The following ANK1 variants were observed in gnomAD, a reference collection of about 807,000 sequenced individuals.
ANK1 encodes the protein ankyrin-1.
Under a neutral mutation model 210.4 loss-of-function variants are expected in ANK1, and 51 were observed. The observed-to-expected ratio is 0.24, with a 90% CI of 0.19 to 0.31. The LOEUF is 0.31. ANK1 is among the 10% of genes least tolerant of loss of function. The pLI is 1.00. For synonymous variants in ANK1, 967 were observed against 1,025.9 expected, an observed-to-expected ratio of 0.94 and a Z score of 1.10; for missense variants, 2,051 against 2,504.4, an observed-to-expected ratio of 0.82 and a Z score of 3.86.
Position 41,655,775 on chromosome 8 carries a change from G to A in ANK1, c.*37-22C>T, listed in dbSNP as rs370510994. ...GATCCTGGGAGACACAAAGAGAGAAGGAGTCACTTAGAATGCAAAAGTGCA... is the reference window on the plus strand; with the variant it reads ...GATCCTGGGAGACACAAAGAGAGAAAGAGTCACTTAGAATGCAAAAGTGCA... On this transcript the variant is annotated intron_variant, in intron 42 of 42. Transcript: ENST00000289734. The A allele has an allele frequency of 7.0e-4, 1,124 of 1,613,606 alleles. 1 individual carries two copies. The highest frequency in any genetic ancestry group is 9.2e-4 in the Non-Finnish European group (1,084 of 1,179,678).
At chr8:41,661,294 C>G in intron 42 of ANK1, 136 bp downstream of exon 42, 1 of 1,340,806 alleles carries the variant, frequency 7.5e-7, no homozygotes, top group South Asian at 1.3e-5. Context: ...AAGTGAGAAT[C>G]TCTGCCTCGA....
At chr8:41,891,669 A>T (rs993642236) in intron 1 of ANK1, among the ~76,000 whole-genome samples, 2 of 152,238 alleles carry the variant, frequency 1.3e-5, no homozygotes, top group Non-Finnish European at 1.5e-5. Context: ...GAGGAGCTGA[A>T]CTGAAAAAAT....
intron 4 of ANK1, 95 bp from the exon 5 acceptor site, chr8:41,727,443 C>T (rs983526000): frequency 2.3e-6 from 2 of 885,138 alleles, no homozygotes; most frequent in African/African-American, 3.3e-5. Flanking sequence ...ACAGCGCTCT[C>T]TTCATTCCAT....
chr8:41,844,125 G>A (rs1231855476), intron 1 of ANK1, among the ~76,000 whole-genome samples: 3 of 152,144 alleles, frequency 2.0e-5, no homozygotes, highest in African/African-American at 7.2e-5. Context: ...CTCCCACCTC[G>A]GCTTCCCAAA....
intron 1 of ANK1, among the ~76,000 whole-genome samples, chr8:41,817,824 G>T (rs1044146909): frequency 1.3e-5 from 2 of 152,212 alleles, no homozygotes; most frequent in Admixed American, 6.5e-5. Flanking sequence ...AACCATGAAT[G>T]CATGAGGCAT....
At position 41,694,547 on chromosome 8, in the gene ANK1, G is replaced by T. The variant is rs533780271; in HGVS notation, c.3327+45C>A. The stretch of plus-strand genomic sequence containing the variant: ...AGAGGGTGGCCTTCCCGGAGGCCTG[G>T]AGTTCAGTCCACCCCCAGGACCTGG... On this transcript the variant is annotated intron_variant, in intron 28 of 42. Coordinates refer to ENST00000289734, the MANE Select transcript of ANK1 (RefSeq NM_000037.4). The surrounding 1 kb of genome is among the most constrained non-coding windows in gnomAD (Gnocchi z 5.7). 2.0e-5 allele frequency: 32 copies of T among 1,584,076 alleles called. No homozygotes were observed. In the South Asian group the frequency reaches 3.2e-4, roughly 16 times the overall value.
chr8:41,656,721 G>A lies in ANK1; in HGVS notation c.*37-968C>T, dbSNP rs148553777. 2.2e-3 allele frequency among the ~76,000 whole-genome samples: 334 copies of A among 152,318 alleles called. 1 individual carries two copies. Among genetic ancestry groups the A allele is most frequent in the African/African-American group, 7.6e-3 (315 of 41,556 alleles). On this transcript the variant is annotated intron_variant, in intron 42 of 42. Coordinates refer to ENST00000289734, the MANE Select transcript of ANK1 (RefSeq NM_000037.4). ...GACACAGGGAGGCAGGAGCTCATTCGGAGGTGGAGCCATCCCCAGACATAG... is the reference window on the plus strand; with the variant it reads ...GACACAGGGAGGCAGGAGCTCATTCAGAGGTGGAGCCATCCCCAGACATAG...
intron 1 of ANK1, among the ~76,000 whole-genome samples, chr8:41,818,246 G>A (rs1036873480): frequency 6.6e-6 from 1 of 152,222 alleles, no homozygotes; most frequent in South Asian, 2.1e-4. Context: ...AGAAAATGGA[G>A]ATTTGGAGGA....
chr8:41,797,858 G>C (rs1316987976), upstream of ANK1, among the ~76,000 whole-genome samples: 1 of 151,998 alleles, frequency 6.6e-6, no homozygotes, highest in Non-Finnish European at 1.5e-5. This position sits in a 1 kb window ranked among gnomAD's most constrained non-coding sequence, Gnocchi z 4.0. Context: ...GCTGAGTTCA[G>C]AGCCCAGAGT....
intron 1 of ANK1, among the ~76,000 whole-genome samples, chr8:41,841,619 C>T (rs1808918464): frequency 6.6e-6 from 1 of 152,118 alleles, no homozygotes; most frequent in Non-Finnish European, 1.5e-5. Flanking sequence ...GTATCTATTA[C>T]CATGATGATA....
In ANK1 at chr8:41,672,371, C is replaced by T. The variant is rs767545027; in HGVS notation, c.5079G>A (p.Thr1693=). The T allele has an allele frequency of 9.9e-6, 16 of 1,614,090 alleles. No homozygotes were observed. Among genetic ancestry groups the T allele is most frequent in the South Asian group, 2.2e-5 (2 of 91,086 alleles). Residue 1693 remains threonine (T), a synonymous_variant, in exon 38 of 43, where the codon ACG becomes ACA. Transcript: ENST00000289734. The part of the protein sequence containing the change: ...ITHSPTVSQV[T]ERSQDRLQDW... ...GCTCTTACCTGTCCTGACTCCTCTC[C>T]GTCACCTGACTCACGGTGGGGGAAT... is the stretch of plus-strand genomic sequence containing the variant.
intron 1 of ANK1, among the ~76,000 whole-genome samples, chr8:41,812,828 C>CA (rs1802698747): frequency 6.6e-6 from 1 of 152,124 alleles, no homozygotes. Flanking sequence ...GCACAGCTCA[C>CA]AATGGGGTTA....
chr8:41,701,611 A>G lies in ANK1; in HGVS notation c.2400T>C (p.Asp800=). The G allele has an allele frequency of 2.5e-6, 4 of 1,614,140 alleles. No individual in the cohort carries two copies. The highest frequency in any genetic ancestry group is 3.4e-6 in the Non-Finnish European group (4 of 1,180,006). The change falls in exon 22 of 43, where the codon GAT becomes GAC. Residue 800 remains aspartate (D), a synonymous_variant. Coordinates refer to ENST00000289734, the MANE Select transcript of ANK1 (RefSeq NM_000037.4). ...TCTCAGGGAAACTCATTCGATGCTT[A>G]TCACTGACTAACTAAAACGAGAAAA... The part of the protein sequence containing the change: ...TDETSFVLVS[D]KHRMSFPETV...
rs750801986 is a variant in ANK1, at chr8:41,693,183, T to C, written c.3551A>G (p.Gln1184Arg). The C allele has an allele frequency of 6.2e-7, 1 of 1,612,734 alleles. No homozygotes were observed. The change falls in exon 30 of 43, where the codon CAG becomes CGG. Residue 1184 changes from glutamine (Q) to arginine (R), a missense_variant. Gln to Arg is a conservative substitution (Grantham distance 43). Transcript: ENST00000289734. ...CSVIGGTDQA[Q>R]WEDITGTTKL... ...GGTGGTTCCTGTTATGTCTTCCCAC[T>C]GGGCTTGGTCTGTTCCTCCTGTAAC...
chr8:41,697,300 C>T (rs564553940), intron 24 of ANK1, among the ~76,000 whole-genome samples: 61 of 152,298 alleles, frequency 4.0e-4, no homozygotes, highest in Middle Eastern at 3.4e-3. Context: ...GGGAACTTGC[C>T]TTAGGGTAAC....
chr8:41,661,182 G>A lies in ANK1; in HGVS notation c.*36+248C>T, dbSNP rs1455615797. On this transcript the variant is annotated intron_variant, in intron 42 of 42. Coordinates refer to ENST00000289734, the MANE Select transcript of ANK1 (RefSeq NM_000037.4). ...TGAGCCACTGTGCCCGGCCCAAAAG[G>A]CATTCTTACAAAACCGTGCGGTCCC... 5.7e-6 allele frequency: 3 copies of A among 530,424 alleles called. No homozygotes were observed. The African/African-American group carries it at 5.7e-5, about 10-fold the overall frequency. 32.9% of individuals were successfully genotyped at this position (530,424 alleles called of 1,614,324 possible).
intron 1 of ANK1, among the ~76,000 whole-genome samples, chr8:41,852,094 A>T (rs1436294416): frequency 6.6e-6 from 1 of 152,194 alleles, no homozygotes; most frequent in Non-Finnish European, 1.5e-5. Flanking sequence ...CTAGTAGTAG[A>T]TGGCTGAGCC....
Position 41,693,213 on chromosome 8 carries a change from G to A in ANK1, c.3533-12C>T, listed in dbSNP as rs1819780353. 4 of 1,568,742 alleles carry A rather than the reference G, an allele frequency of 2.5e-6. No homozygotes were observed. Among genetic ancestry groups the A allele is most frequent in the East Asian group, 2.2e-5 (1 of 44,634 alleles). ...TTGGTCTGTTCCTCCTGTAACAGCG[G>A]CAGAAATGGGGCTGGGGACAGTCTT... is the stretch of plus-strand genomic sequence containing the variant. On this transcript the variant is annotated splice_polypyrimidine_tract_variant and intron_variant, in intron 29 of 42. Coordinates refer to ENST00000289734, the MANE Select transcript of ANK1 (RefSeq NM_000037.4).
chr8:41,722,055 A>C (rs1334642288), intron 9 of ANK1, among the ~76,000 whole-genome samples: 5 of 152,212 alleles, frequency 3.3e-5, no homozygotes, highest in African/African-American at 1.2e-4. Flanking sequence ...GAGGAGTTTT[A>C]CTTTTAGATA....
Sources: allele counts gnomAD v4.1 joint callset (sites outside exome capture counted in the v4.1 genomes callset), GRCh38; gene constraint gnomAD v4.1.1; non-coding constraint Gnocchi (gnomAD v3.1); transcripts MANE v1.5; gene names NCBI Gene and HGNC (gene_info 2026-07-23, HGNC 2026-07-21).